CATSPERT: variants seen among roughly 807,000 people sequenced by gnomAD.
The protein encoded by CATSPERT is catsper channel auxiliary subunit tau.
the CATSPERT span, chr2:201,603,076 A>C: frequency 3.4e-6 from 2 of 593,312 alleles, no homozygotes; most frequent in African/African-American, 1.9e-5. Flanking sequence ...GAAGCAGAAG[A>C]AGCAAATAGT....
the CATSPERT span, chr2:201,550,534 A>T: frequency 1.2e-4 from 19 of 152,116 alleles, no homozygotes; most frequent in African/African-American, 3.9e-4. Context: ...ATGAAAATTT[A>T]TTTATCTCTT....
chr2:201,542,205 T>G, the CATSPERT span, among the ~76,000 whole-genome samples: 23 of 152,336 alleles, frequency 1.5e-4, no homozygotes, highest in Non-Finnish European at 2.9e-4. Context: ...TTTATTGTGG[T>G]GGTCTAGAAC....
At chr2:201,612,576 T>A in the CATSPERT span, among the ~76,000 whole-genome samples, 1 of 68,826 alleles carries the variant, frequency 1.5e-5, no homozygotes, top group East Asian at 3.9e-4. Flanking sequence ...TGAGACTCCA[T>A]CTTGGAAAAA....
chr2:201,575,665 T>C, the CATSPERT span, among the ~76,000 whole-genome samples: 1 of 152,194 alleles, frequency 6.6e-6, no homozygotes, highest in Non-Finnish European at 1.5e-5. Flanking sequence ...CCTGATTATC[T>C]GTCACTGCCT....
At chr2:201,581,583 TATATATATATAC>T in the CATSPERT span, among the ~76,000 whole-genome samples, 635 of 64,800 alleles carry the variant, frequency 9.8e-3, 77 homozygotes, top group Middle Eastern at 0.015. Context: ...TATATATATA[TATATATATATAC>T]ACATACATAT....
At chr2:201,493,119 G>GT in the CATSPERT span, 3 of 1,526,952 alleles carry the variant, frequency 2.0e-6, no homozygotes, top group Non-Finnish European at 2.6e-6. Context: ...CATTGAAGAT[G>GT]TTTTTTAAAA....
At chr2:201,579,564 G>A in the CATSPERT span, among the ~76,000 whole-genome samples, 19 of 152,198 alleles carry the variant, frequency 1.2e-4, no homozygotes, top group African/African-American at 4.3e-4. Context: ...AATTACAGGT[G>A]TGAACCACCA....
At chr2:201,564,554 G>C in the CATSPERT span, among the ~76,000 whole-genome samples, 1 of 152,166 alleles carries the variant, frequency 6.6e-6, no homozygotes, top group Non-Finnish European at 1.5e-5. Flanking sequence ...AAATTCATAT[G>C]TTGAAATCCT....
chr2:201,608,446 G>C, the CATSPERT span, among the ~76,000 whole-genome samples: 1 of 151,982 alleles, frequency 6.6e-6, no homozygotes, highest in Admixed American at 6.6e-5. Context: ...TGTGACCCTC[G>C]AGGAATATTT....
the CATSPERT span, among the ~76,000 whole-genome samples, chr2:201,594,619 T>C: frequency 5.9e-5 from 9 of 152,158 alleles, no homozygotes; most frequent in African/African-American, 2.2e-4. Context: ...GGTACACCAA[T>C]CAGACGTAGA....
At chr2:201,547,400 T>C in the CATSPERT span, 1 of 614,128 alleles carries the variant, frequency 1.6e-6, no homozygotes. Flanking sequence ...AAATATTTTA[T>C]ATATCAAGGA....
the CATSPERT span, among the ~76,000 whole-genome samples, chr2:201,513,633 T>G: frequency 6.6e-6 from 1 of 152,216 alleles, no homozygotes; most frequent in African/African-American, 2.4e-5. Context: ...TGCATTTGTA[T>G]GTTCATTGCA....
At chr2:201,491,479 ATTTC>A in the CATSPERT span, 2,142 of 1,536,592 alleles carry the variant, frequency 1.4e-3, 2 homozygotes, top group Non-Finnish European at 1.7e-3. Flanking sequence ...AAGAGTTTGT[ATTTC>A]TTTTTTGTAT....
chr2:201,500,166 C>T, the CATSPERT span, among the ~76,000 whole-genome samples: 3 of 151,984 alleles, frequency 2.0e-5, no homozygotes, highest in Non-Finnish European at 2.9e-5. Flanking sequence ...GCCAACTAGA[C>T]ATAATTGGAA....
the CATSPERT span, among the ~76,000 whole-genome samples, chr2:201,562,917 T>C: frequency 3.5e-3 from 514 of 148,464 alleles, 5 homozygotes; most frequent in African/African-American, 0.012. Flanking sequence ...GTCTACTTCT[T>C]TCTACACAGA....
chr2:201,590,061 T>C, the CATSPERT span, among the ~76,000 whole-genome samples: 1 of 152,074 alleles, frequency 6.6e-6, no homozygotes, highest in Non-Finnish European at 1.5e-5. Flanking sequence ...TGTATACATG[T>C]GCCATGCTGG....
the CATSPERT span, chr2:201,493,956 C>A: frequency 6.5e-7 from 1 of 1,536,906 alleles, no homozygotes. Flanking sequence ...TTTTAATTAT[C>A]TGACCCCCTT....
chr2:201,550,902 C>A, the CATSPERT span: 1 of 152,180 alleles, frequency 6.6e-6, no homozygotes, highest in Non-Finnish European at 1.5e-5. Flanking sequence ...CTTCCTACCA[C>A]AAGGAAAACC....
chr2:201,528,618 A>G, the CATSPERT span, among the ~76,000 whole-genome samples: 1 of 152,190 alleles, frequency 6.6e-6, no homozygotes, highest in African/African-American at 2.4e-5. Flanking sequence ...AGAAACATGG[A>G]TGCAGCTCAA....
Sources: gnomAD v4.1 joint callset for allele counts (sites outside exome capture counted in the v4.1 genomes callset) on GRCh38, gnomAD v4.1.1 for gene constraint, MANE v1.5 for transcripts, NCBI Gene and HGNC (gene_info 2026-07-23, HGNC 2026-07-21) for gene names.